The following KCNQ1 variants were observed in gnomAD, a reference collection of about 807,000 sequenced individuals.
KCNQ1 encodes the protein potassium voltage-gated channel subfamily KQT member 1.
Under a neutral mutation model 72.4 loss-of-function variants are expected in KCNQ1, and 49 were observed. The observed-to-expected ratio is 0.68, with a 90% CI of 0.54 to 0.86. The LOEUF is 0.86. Among genes scored for constraint, KCNQ1 ranks in the 40% least tolerant of loss-of-function variants. The pLI is 0.00. For missense variants in KCNQ1, 790 were observed against 945.1 expected, an observed-to-expected ratio of 0.84 and a Z score of 2.15; for synonymous variants, 450 against 412.6, an observed-to-expected ratio of 1.09 and a Z score of -1.10.
rs1338489672 is a variant in KCNQ1, at chr11:2,611,288, T to G, written c.1393+22434T>G. On this transcript the variant is annotated intron_variant, in intron 10 of 15. Coordinates refer to ENST00000155840, the MANE Select transcript of KCNQ1 (RefSeq NM_000218.3). The surrounding 1 kb of genome is among the most constrained non-coding windows in gnomAD (Gnocchi z 5.3). ...AGGCTGGAGTGCAGTGGCGTGACCT[T>G]GGCTCACTGCAACCTCTGCCTCCCG... is the stretch of plus-strand genomic sequence containing the variant. The G allele has an allele frequency of 2.5e-6, 1 of 397,100 alleles. No individual in the cohort carries two copies. Among genetic ancestry groups the G allele is most frequent in the African/African-American group, 2.1e-5 (1 of 48,560 alleles). 24.6% of individuals were successfully genotyped at this position (397,100 alleles called of 1,614,324 possible). A position where few individuals can be genotyped will look rare whatever the true frequency, so the allele number is the denominator to read the frequency against.
At chr11:2,557,533 C>A (rs1031779378) in intron 2 of KCNQ1, among the ~76,000 whole-genome samples, 1 of 152,218 alleles carries the variant, frequency 6.6e-6, no homozygotes, top group Non-Finnish European at 1.5e-5. Flanking sequence ...CTTCAAAATA[C>A]GCATCACGCC....
At chr11:2,650,909 G>A (rs2133842619) in intron 10 of KCNQ1, 1 of 398,636 alleles carries the variant, frequency 2.5e-6, no homozygotes, top group South Asian at 1.3e-4. Context: ...TTTTCTCCAA[G>A]CCTGGCTGAA....
intron 1 of KCNQ1, among the ~76,000 whole-genome samples, chr11:2,519,332 A>G (rs1847340389): frequency 6.6e-6 from 1 of 152,218 alleles, no homozygotes; most frequent in South Asian, 2.1e-4. Flanking sequence ...CTGTGCTGAC[A>G]CCAGTGGGCG....
intron 15 of KCNQ1, among the ~76,000 whole-genome samples, chr11:2,835,789 G>A (rs1848051600): frequency 6.6e-6 from 1 of 152,102 alleles, no homozygotes; most frequent in Non-Finnish European, 1.5e-5. Flanking sequence ...GCTCACAGAG[G>A]AAAAGCCTTC....
At chr11:2,576,898 G>A (rs1848431203) in intron 6 of KCNQ1, among the ~76,000 whole-genome samples, 1 of 152,214 alleles carries the variant, frequency 6.6e-6, no homozygotes, top group African/African-American at 2.4e-5. Flanking sequence ...CCTCCTCCTG[G>A]AGTTCCGTGC....
At chr11:2,736,677 A>C (rs908137346) in intron 11 of KCNQ1, among the ~76,000 whole-genome samples, 2 of 152,014 alleles carry the variant, frequency 1.3e-5, no homozygotes, top group African/African-American at 4.8e-5. Context: ...GTCCCTTGTG[A>C]TCTTCCGCCA....
At chr11:2,753,383 TCCTGCCTGGGTC>T (rs1332546134) in intron 11 of KCNQ1, among the ~76,000 whole-genome samples, 2 of 152,156 alleles carry the variant, frequency 1.3e-5, no homozygotes, top group Non-Finnish European at 2.9e-5. Flanking sequence ...TCCTGAGGGT[TCCTGCCTGGGTC>T]CCTGATCCCC....
At position 2,815,948 on chromosome 11, in the gene KCNQ1, G is replaced by A. The variant is rs1847604523; in HGVS notation, c.1795-31819G>A. ...ACACCTGTCAGGGTGGAGGGGACTTGGGGGACCAGCCAGCTGGATATGTTC... is the reference window on the plus strand; with the variant it reads ...ACACCTGTCAGGGTGGAGGGGACTTAGGGGACCAGCCAGCTGGATATGTTC... On this transcript the variant is annotated intron_variant, in intron 15 of 15. Coordinates refer to ENST00000155840, the MANE Select transcript of KCNQ1 (RefSeq NM_000218.3). The surrounding 1 kb of genome is among the most constrained non-coding windows in gnomAD (Gnocchi z 5.4). Among the ~76,000 whole-genome samples the A allele has an allele frequency of 6.6e-6, 1 of 152,254 alleles. No homozygotes were observed. The highest frequency in any genetic ancestry group is 1.5e-5 in the Non-Finnish European group (1 of 68,032).
chr11:2,671,273 C>A lies in KCNQ1; in HGVS notation c.1514+9192C>A, dbSNP rs1850178991. ...CCGATGTCCCCACCATCCCCAGCCC[C>A]TTAGCCTCTGATCTTCTCCATAAGT... On this transcript the variant is annotated intron_variant, in intron 11 of 15. Coordinates refer to ENST00000155840, the MANE Select transcript of KCNQ1 (RefSeq NM_000218.3). This position sits in a 1 kb window ranked among gnomAD's most constrained non-coding sequence, Gnocchi z 4.7. 1.5e-5 allele frequency: 6 copies of A among 398,644 alleles called. No homozygotes were observed. Among genetic ancestry groups the A allele is most frequent in the East Asian group, 3.6e-5 (1 of 28,074 alleles). 24.7% of individuals were successfully genotyped at this position (398,644 alleles called of 1,614,324 possible). A position where few individuals can be genotyped will look rare whatever the true frequency, so the allele number is the denominator to read the frequency against.
At position 2,848,917 on chromosome 11, in the gene KCNQ1, T is replaced by C. The variant is rs1349555922; in HGVS notation, c.*914T>C. 1 of 454,172 alleles carries C rather than the reference T, an allele frequency of 2.2e-6. No homozygotes were observed. The highest frequency in any genetic ancestry group is 1.6e-5 in the South Asian group (1 of 64,478). The allele number at this position is 454,172 out of a possible 1,614,324, so 28.1% of individuals were successfully genotyped here. A position where few individuals can be genotyped will look rare whatever the true frequency, so the allele number is the denominator to read the frequency against. Reference sequence around the variant, plus strand: ...AATAATTTGTGGTGATTTGGATCTGTGTTTTAATGAGTTTCACAGTGTGAT... The same window carrying C: ...AATAATTTGTGGTGATTTGGATCTGCGTTTTAATGAGTTTCACAGTGTGAT... On this transcript the variant is annotated 3_prime_UTR_variant, in exon 16 of 16. Transcript: ENST00000155840.
At chr11:2,533,945 G>GCC (rs765909733) in intron 2 of KCNQ1, among the ~76,000 whole-genome samples, 60 of 152,326 alleles carry the variant, frequency 3.9e-4, no homozygotes, top group Non-Finnish European at 7.1e-4. Flanking sequence ...GTGAGCTGCG[G>GCC]CCCCGGAGGC....
intron 11 of KCNQ1, among the ~76,000 whole-genome samples, chr11:2,722,008 G>C (rs776514506): frequency 1.6e-4 from 25 of 152,196 alleles, no homozygotes; most frequent in Non-Finnish European, 2.5e-4. Flanking sequence ...CCCCTGGGAG[G>C]CACATGCCGA....
intron 6 of KCNQ1, among the ~76,000 whole-genome samples, chr11:2,581,771 G>T (rs1362407970): frequency 4.6e-5 from 7 of 152,264 alleles, no homozygotes; most frequent in Non-Finnish European, 1.0e-4. Flanking sequence ...TCCCATCTCT[G>T]CATGGGGCAC....
chr11:2,504,649 T>A lies in KCNQ1; in HGVS notation c.387-23279T>A, dbSNP rs536158906. ...GCATACACCTGTAATCCCAGCTACT[T>A]GGGTGGCCGAGGCATGAGAATCACT... On this transcript the variant is annotated intron_variant, in intron 1 of 15. Coordinates refer to ENST00000155840, the MANE Select transcript of KCNQ1 (RefSeq NM_000218.3). 3.9e-5 allele frequency among the ~76,000 whole-genome samples: 6 copies of A among 152,200 alleles called. No homozygotes were observed. In the East Asian group the frequency reaches 9.7e-4, roughly 25 times the overall value.
At chr11:2,607,559 A>G (rs146290269) in intron 10 of KCNQ1, among the ~76,000 whole-genome samples, 3 of 152,276 alleles carry the variant, frequency 2.0e-5, no homozygotes, top group Non-Finnish European at 2.9e-5. Flanking sequence ...ACAACTGTTC[A>G]TGAACCAGAA....
rs201364493 is a variant in KCNQ1 at position 2,587,705 on chromosome 11, C to G, written c.1251+13C>G. 6.2e-7 allele frequency: 1 copy of G among 1,613,574 alleles called. No homozygotes were observed. On this transcript the variant is annotated intron_variant, in intron 9 of 15. Coordinates refer to ENST00000155840, the MANE Select transcript of KCNQ1 (RefSeq NM_000218.3). ...GAAGTCTGTGGTGGTGAGTAGCCCA[C>G]CTGCCACCAGGGCAGGGCCTTCTTG...
In KCNQ1 at chr11:2,570,725, G is replaced by A. The variant is rs199472698; in HGVS notation, c.575G>A (p.Arg192His). ...TACGTGGGCCTCTGGGGGCGGCTGC[G>A]CTTTGCCCGGAAGCCCATTTCCATC... ...SKYVGLWGRL[R>H]FARKPISIID... is the part of the protein sequence containing the mutation. Residue 192 changes from arginine to histidine, a missense_variant, in exon 3 of 16, where the codon CGC becomes CAC. Arg to His is a conservative substitution (Grantham distance 29). Transcript: ENST00000155840. 5.0e-6 allele frequency: 8 copies of A among 1,611,818 alleles called. No individual in the cohort carries two copies. The highest frequency in any genetic ancestry group is 2.2e-5 in the East Asian group (1 of 44,892).
rs1846527384 is a variant in KCNQ1 at position 2,473,753 on chromosome 11, C to T, written c.386+28269C>T. ...GATGGCAGCCTGCAGGTTGAAGCCCCCGACAGCTGGGGGAGGCATTGCTCT... is the reference window on the plus strand; with the variant it reads ...GATGGCAGCCTGCAGGTTGAAGCCCTCGACAGCTGGGGGAGGCATTGCTCT... On this transcript the variant is annotated intron_variant, in intron 1 of 15. Transcript: ENST00000155840. This position sits in a 1 kb window ranked among gnomAD's most constrained non-coding sequence, Gnocchi z 6.0. 6.6e-6 allele frequency among the ~76,000 whole-genome samples: 1 copy of T among 152,208 alleles called. No homozygotes were observed. The highest frequency in any genetic ancestry group is 1.5e-5 in the Non-Finnish European group (1 of 68,034).
chr11:2,570,936 C>A (rs535752537), intron 3 of KCNQ1, among the ~76,000 whole-genome samples, 182 bp downstream of exon 3: 5 of 152,314 alleles, frequency 3.3e-5, no homozygotes, highest in South Asian at 2.1e-4. Context: ...TGCACTCAGA[C>A]GCTGATCATG....
Sources: gnomAD v4.1 joint callset for allele counts (sites outside exome capture counted in the v4.1 genomes callset) on GRCh38, gnomAD v4.1.1 for gene constraint, Gnocchi (gnomAD v3.1) non-coding constraint, MANE v1.5 for transcripts, NCBI Gene and HGNC (gene_info 2026-07-23, HGNC 2026-07-21) for gene names.